PRKCA: variants seen among roughly 807,000 people sequenced by gnomAD.
PRKCA encodes the protein protein kinase C alpha type.
A neutral mutation model predicts 87.0 loss-of-function variants in PRKCA; 27 were observed. The ratio of observed to expected loss-of-function variants is 0.31; its 90% CI spans 0.23 to 0.43. The LOEUF (loss-of-function observed/expected upper bound fraction) is 0.43, where lower values mean the gene tolerates loss of function less well. Among genes scored for constraint, PRKCA ranks in the 20% least tolerant of loss-of-function variants. The pLI is 1.00. For missense variants in PRKCA, 518 were observed against 852.3 expected (o/e 0.61, Z 4.88); for synonymous variants, 329 against 311.1 (o/e 1.06, Z -0.61).
chr17:66,440,522 A>T (rs2143869891), intron 2 of PRKCA, among the ~76,000 whole-genome samples: 1 of 152,260 alleles, frequency 6.6e-6, no homozygotes, highest in Non-Finnish European at 1.5e-5. Flanking sequence ...TAGCAGAGAG[A>T]TGGGTATTCA....
intron 2 of PRKCA, among the ~76,000 whole-genome samples, chr17:66,461,446 G>A (rs915923084): frequency 3.3e-5 from 5 of 152,092 alleles, no homozygotes; most frequent in African/African-American, 4.8e-5. Flanking sequence ...TGGAGTGCCC[G>A]TGTCACCTGA....
chr17:66,763,341 A>T (rs2144303027), intron 13 of PRKCA, among the ~76,000 whole-genome samples: 1 of 152,308 alleles, frequency 6.6e-6, no homozygotes, highest in South Asian at 2.1e-4. Flanking sequence ...TAGACATGAC[A>T]AAGGCTCCAG....
At chr17:66,434,396 A>G (rs1913257615) in intron 2 of PRKCA, among the ~76,000 whole-genome samples, 1 of 152,096 alleles carries the variant, frequency 6.6e-6, no homozygotes, top group African/African-American at 2.4e-5. Context: ...ATGAAAGGAA[A>G]ACAATGGCTT....
In PRKCA at chr17:66,768,003, A is replaced by G. The variant is rs542543300; in HGVS notation, c.1525-5984A>G. ...GAAGTCTTACTCTGTTGCCCAGTCTAGAGTACAGTGGCACAATCTCAGCTC... is the reference window on the plus strand; with the variant it reads ...GAAGTCTTACTCTGTTGCCCAGTCTGGAGTACAGTGGCACAATCTCAGCTC... On this transcript the variant is annotated intron_variant, in intron 13 of 16. Transcript: ENST00000413366. Among the ~76,000 whole-genome samples, 8 of 152,304 alleles carry G rather than the reference A, an allele frequency of 5.3e-5. No homozygotes were observed. In the South Asian group the frequency reaches 1.7e-3, roughly 32 times the overall value.
chr17:66,360,065 T>G (rs1342912568), intron 2 of PRKCA, among the ~76,000 whole-genome samples: 1 of 152,248 alleles, frequency 6.6e-6, no homozygotes, highest in Non-Finnish European at 1.5e-5. Flanking sequence ...ATAATTTATA[T>G]GTAGAATTAG....
At chr17:66,615,456 T>C (rs1970489470) in intron 3 of PRKCA, among the ~76,000 whole-genome samples, 1 of 152,182 alleles carries the variant, frequency 6.6e-6, no homozygotes, top group African/African-American at 2.4e-5. Flanking sequence ...TATGTAGCTC[T>C]GGATCTAGGG....
Position 66,803,797 on chromosome 17 carries a change from A to G in PRKCA, c.1855-76A>G, listed in dbSNP as rs115608291. ...GTTCCCCAGGGCCGTGCCCCTCCCC[A>G]GAGAGGGCCCTCGGAGAGCTGCTCC... On this transcript the variant is annotated intron_variant, in intron 16 of 16. Coordinates refer to ENST00000413366, the MANE Select transcript of PRKCA (RefSeq NM_002737.3). The surrounding 1 kb of genome is among the most constrained non-coding windows in gnomAD (Gnocchi z 4.4). The G allele has an allele frequency of 1.1e-3, 1,674 of 1,564,918 alleles. 21 individuals carry two copies. The African/African-American group carries it at 0.021, about 19-fold the overall frequency.
intron 2 of PRKCA, among the ~76,000 whole-genome samples, chr17:66,308,003 AC>A (rs1357203157): frequency 6.6e-6 from 1 of 152,190 alleles, no homozygotes; most frequent in African/African-American, 2.4e-5. Flanking sequence ...ATATTCTTCC[AC>A]ATCAAAGCAT....
chr17:66,780,633 C>A (rs113376268), intron 14 of PRKCA, among the ~76,000 whole-genome samples: 4,753 of 151,816 alleles, frequency 0.031, 105 homozygotes, highest in Middle Eastern at 0.1. Context: ...GCCATGATCG[C>A]ACCACTGCAC....
At chr17:66,392,661 C>G (rs1352056085) in intron 2 of PRKCA, among the ~76,000 whole-genome samples, 2 of 152,150 alleles carry the variant, frequency 1.3e-5, no homozygotes, top group African/African-American at 4.8e-5. Context: ...TCAGCTGCAT[C>G]CGCCTTGCTG....
intron 14 of PRKCA, among the ~76,000 whole-genome samples, chr17:66,781,887 A>ATATATATATATATATATATATAGTGT (rs767300220): frequency 8.0e-6 from 1 of 125,548 alleles, no homozygotes. Flanking sequence ...ATATATATAT[A>ATATATATATATATATATATATAGTGT]GTGTGTGTGT....
In PRKCA at chr17:66,482,123, A is replaced by G. The variant is rs1416320919; in HGVS notation, c.206-14078A>G. 1.1e-4 allele frequency among the ~76,000 whole-genome samples: 16 copies of G among 151,564 alleles called. No individual in the cohort carries two copies. The East Asian group carries it at 2.7e-3, about 26-fold the overall frequency. On this transcript the variant is annotated intron_variant, in intron 2 of 16. Transcript: ENST00000413366. The stretch of plus-strand genomic sequence containing the variant: ...CAAAAAAAAAAAAAAAAAAAGAAAA[A>G]AAGAAAAAAAAGAAAGTGGATCGAG...
chr17:66,381,768 T>G (rs1415699651), intron 2 of PRKCA, among the ~76,000 whole-genome samples: 22 of 152,224 alleles, frequency 1.4e-4, no homozygotes, highest in Non-Finnish European at 2.1e-4. Context: ...ATAGTTTAGC[T>G]TCTTTTACCA....
At position 66,399,582 on chromosome 17, in the gene PRKCA, A is replaced by T. The variant is rs1353898899; in HGVS notation, c.205+93455A>T. Among the ~76,000 whole-genome samples, 3 of 152,312 alleles carry T rather than the reference A, an allele frequency of 2.0e-5. No individual in the cohort carries two copies. In the East Asian group the frequency reaches 5.8e-4, roughly 29 times the overall value. ...AGAACTTTTTCATCTTGCAAAACTG[A>T]AACTGTTTGCCTATCAAACAACAGC... is the stretch of plus-strand genomic sequence containing the variant. On this transcript the variant is annotated intron_variant, in intron 2 of 16. Coordinates refer to ENST00000413366, the MANE Select transcript of PRKCA (RefSeq NM_002737.3).
At chr17:66,341,152 C>G (rs936702668) in intron 2 of PRKCA, among the ~76,000 whole-genome samples, 1 of 152,046 alleles carries the variant, frequency 6.6e-6, no homozygotes. Flanking sequence ...TTCTGATGGT[C>G]GCAGACTTCC....
chr17:66,438,835 G>A (rs926023731), intron 2 of PRKCA, among the ~76,000 whole-genome samples: 2 of 152,120 alleles, frequency 1.3e-5, no homozygotes, highest in African/African-American at 2.4e-5. Context: ...TAACTCTCAC[G>A]AGAACAGGAT....
chr17:66,620,388 A>G (rs1970642424), intron 3 of PRKCA, among the ~76,000 whole-genome samples: 1 of 152,164 alleles, frequency 6.6e-6, no homozygotes, highest in Non-Finnish European at 1.5e-5. Context: ...AGGCAGAAGA[A>G]AAGGGGAAGC....
At chr17:66,308,747 T>C (rs1317672527) in intron 2 of PRKCA, among the ~76,000 whole-genome samples, 1 of 152,196 alleles carries the variant, frequency 6.6e-6, no homozygotes, top group Non-Finnish European at 1.5e-5. Flanking sequence ...AAGAAGGATA[T>C]GTTACCTCAG....
chr17:66,567,933 T>C (rs977392946), intron 3 of PRKCA, among the ~76,000 whole-genome samples: 1 of 152,238 alleles, frequency 6.6e-6, no homozygotes, highest in African/African-American at 2.4e-5. Flanking sequence ...ACAATATTTC[T>C]ATGTGTTTCC....
Sources: allele counts gnomAD v4.1 joint callset (sites outside exome capture counted in the v4.1 genomes callset), GRCh38; gene constraint gnomAD v4.1.1; non-coding constraint Gnocchi (gnomAD v3.1); transcripts MANE v1.5; gene names NCBI Gene and HGNC (gene_info 2026-07-23, HGNC 2026-07-21).